Variants in RANBP2 observed in about 807,000 individuals in gnomAD.
RANBP2 encodes E3 SUMO-protein ligase RanBP2.
A neutral mutation model predicts 303.6 loss-of-function variants in RANBP2; 57 were observed. The observed-to-expected ratio is 0.19, with a 90% CI of 0.15 to 0.23. The LOEUF is 0.23. Among genes scored for constraint, RANBP2 ranks in the 10% least tolerant of loss-of-function variants. The pLI, the probability that RANBP2 is intolerant of heterozygous loss-of-function variation, is 1.00. For missense variants in RANBP2, 3,138 were observed against 3,780.8 expected, an observed-to-expected ratio of 0.83 and a Z score of 4.46; for synonymous variants, 1,167 against 1,301.5, an observed-to-expected ratio of 0.90 and a Z score of 2.23.
the RANBP2 span, among the ~76,000 whole-genome samples, chr2:109,592,815 A>G: frequency 2.0e-5 from 3 of 152,070 alleles, no homozygotes; most frequent in Admixed American, 2.0e-4. Flanking sequence ...AAACAGAAAA[A>G]AAAATTTCCT....
chr2:108,949,905 G>A, the RANBP2 span, among the ~76,000 whole-genome samples: 1 of 152,234 alleles, frequency 6.6e-6, no homozygotes, highest in African/African-American at 2.4e-5. Flanking sequence ...AAGATTCTAT[G>A]AGCTCATGGA....
At chr2:109,098,855 AT>A in the RANBP2 span, among the ~76,000 whole-genome samples, 1 of 152,122 alleles carries the variant, frequency 6.6e-6, no homozygotes, top group Non-Finnish European at 1.5e-5. Flanking sequence ...ATACCCGGTT[AT>A]TTGGCTGCCC....
At chr2:109,262,551 T>A in the RANBP2 span, among the ~76,000 whole-genome samples, 1 of 152,222 alleles carries the variant, frequency 6.6e-6, no homozygotes, top group African/African-American at 2.4e-5. Flanking sequence ...AAGGTTTTCT[T>A]GTTTTATTAT....
At chr2:109,355,573 C>G in the RANBP2 span, among the ~76,000 whole-genome samples, 1 of 152,214 alleles carries the variant, frequency 6.6e-6, no homozygotes, top group Non-Finnish European at 1.5e-5. Flanking sequence ...TGACCTGTGA[C>G]ATAGAGCACA....
chr2:109,294,303 G>A, the RANBP2 span, among the ~76,000 whole-genome samples: 1 of 152,124 alleles, frequency 6.6e-6, no homozygotes, highest in South Asian at 2.1e-4. Flanking sequence ...GGTCATGCCT[G>A]TAATCCCAGC....
chr2:109,615,737 A>G, the RANBP2 span: 45 of 1,613,950 alleles, frequency 2.8e-5, 1 homozygote, highest in African/African-American at 4.4e-4. Context: ...GGAGGCTTTC[A>G]AAGGTGCTTC....
the RANBP2 span, among the ~76,000 whole-genome samples, chr2:108,907,362 G>A: frequency 2.7e-4 from 41 of 152,210 alleles, 1 homozygote; most frequent in Admixed American, 2.2e-3. Context: ...TAAAAACAAA[G>A]TGGCTGGGCG....
At chr2:109,230,651 G>A in the RANBP2 span, among the ~76,000 whole-genome samples, 16 of 152,190 alleles carry the variant, frequency 1.1e-4, no homozygotes, top group South Asian at 4.1e-4. Flanking sequence ...GTGGGGTTAT[G>A]TCCTGATAAA....
At chr2:108,958,965 C>G in the RANBP2 span, among the ~76,000 whole-genome samples, 2 of 152,242 alleles carry the variant, frequency 1.3e-5, no homozygotes, top group Non-Finnish European at 2.9e-5. Context: ...TGCAAGTCCT[C>G]AAGAAGTGGC....
the RANBP2 span, chr2:109,733,004 G>T: frequency 1.7e-6 from 1 of 582,948 alleles, no homozygotes; most frequent in African/African-American, 1.9e-5. Context: ...TCCTTGAGAT[G>T]ATTATTGTAG....
At chr2:109,714,326 G>A in the RANBP2 span, among the ~76,000 whole-genome samples, 2 of 151,692 alleles carry the variant, frequency 1.3e-5, no homozygotes, top group Non-Finnish European at 2.9e-5. Context: ...TTTTTGAGAC[G>A]GAGTCTCGCT....
chr2:108,897,329 A>AT, the RANBP2 span: 16 of 1,227,956 alleles, frequency 1.3e-5, no homozygotes, highest in Admixed American at 2.2e-5. Context: ...ATTTGAAAAA[A>AT]ATTTTTTTAA....
chr2:109,392,318 G>A, the RANBP2 span, among the ~76,000 whole-genome samples: 3 of 152,216 alleles, frequency 2.0e-5, no homozygotes, highest in Non-Finnish European at 2.9e-5. Flanking sequence ...GAAAAGGGGT[G>A]AGCAGTAGCA....
At chr2:108,921,741 C>T in the RANBP2 span, among the ~76,000 whole-genome samples, 1 of 152,254 alleles carries the variant, frequency 6.6e-6, no homozygotes, top group Admixed American at 6.5e-5. Flanking sequence ...TTGGCATTCA[C>T]ACCGAGGCCC....
the RANBP2 span, among the ~76,000 whole-genome samples, chr2:109,598,181 G>A: frequency 6.6e-6 from 1 of 151,958 alleles, no homozygotes; most frequent in Non-Finnish European, 1.5e-5. Context: ...GTCTGCCTCA[G>A]CCTCCCAAGT....
chr2:109,552,677 C>T, the RANBP2 span: 1 of 176,454 alleles, frequency 5.7e-6, no homozygotes, highest in African/African-American at 2.4e-5. Context: ...AAGAAAACAT[C>T]CAGTCGTGTT....
the RANBP2 span, among the ~76,000 whole-genome samples, chr2:109,453,152 C>T: frequency 6.6e-6 from 1 of 152,280 alleles, no homozygotes; most frequent in African/African-American, 2.4e-5. Flanking sequence ...TTTCTCCAGA[C>T]CCATTCCTGA....
chr2:109,133,265 T>A, the RANBP2 span, among the ~76,000 whole-genome samples: 1 of 152,264 alleles, frequency 6.6e-6, no homozygotes. Flanking sequence ...TACAGCCTAA[T>A]AAGTTTATCT....
chr2:108,794,361 CT>C, the RANBP2 span: 9,532 of 172,870 alleles, frequency 0.055, 991 homozygotes, highest in African/African-American at 0.21. Flanking sequence ...GCTGTATACC[CT>C]TCACCCAAAT....
Sources: allele counts gnomAD v4.1 joint callset (sites outside exome capture counted in the v4.1 genomes callset), GRCh38; gene constraint gnomAD v4.1.1; transcripts MANE v1.5; gene names NCBI Gene and HGNC (gene_info 2026-07-23, HGNC 2026-07-21).